The following MEI1 variants were observed in gnomAD, a reference collection of about 807,000 sequenced individuals.
The protein encoded by MEI1 is meiotic double-stranded break formation protein 1.
A neutral mutation model predicts 146.2 loss-of-function variants in MEI1; 103 were observed. That is an observed-to-expected ratio of 0.70 (90% CI 0.60 to 0.83). The LOEUF (loss-of-function observed/expected upper bound fraction) is 0.83. Among genes scored for constraint, MEI1 ranks in the 40% least tolerant of loss-of-function variants. The pLI is 0.00. For synonymous variants in MEI1, 652 were observed against 628.2 expected, an observed-to-expected ratio of 1.04 and a Z score of -0.57; for missense variants, 1,529 against 1,533.0, an observed-to-expected ratio of 1.00 and a Z score of 0.04.
intron 9 of MEI1, among the ~76,000 whole-genome samples, chr22:41,731,071 T>G (rs2071817902): frequency 6.7e-6 from 1 of 150,234 alleles, no homozygotes; most frequent in Non-Finnish European, 1.5e-5. Context: ...TTTTTTTTTT[T>G]GAGATGGAAT....
chr22:41,770,470 A>G (rs1308713558), intron 19 of MEI1, among the ~76,000 whole-genome samples: 1 of 151,996 alleles, frequency 6.6e-6, no homozygotes, highest in Non-Finnish European at 1.5e-5. Context: ...ACTTTACCAA[A>G]TGTCCCATGG....
chr22:41,743,049 C>G, intron 11 of MEI1, 31 bp from the exon 12 acceptor site: 2 of 1,548,200 alleles, frequency 1.3e-6, no homozygotes, highest in African/African-American at 2.7e-5. Context: ...GTTGCCTTAC[C>G]GTGAACCTGC....
intron 5 of MEI1, among the ~76,000 whole-genome samples, chr22:41,717,205 C>T (rs909275210): frequency 3.3e-5 from 5 of 151,970 alleles, no homozygotes; most frequent in Non-Finnish European, 5.9e-5. Flanking sequence ...GAGACAGAAC[C>T]GGGCTACAGC....
intron 17 of MEI1, among the ~76,000 whole-genome samples, chr22:41,755,550 C>G (rs1344169057): frequency 6.6e-6 from 1 of 152,190 alleles, no homozygotes; most frequent in Non-Finnish European, 1.5e-5. Flanking sequence ...ATCACCATCA[C>G]CTCTCATGCT....
intron 3 of MEI1, among the ~76,000 whole-genome samples, chr22:41,708,741 G>C (rs4346490): frequency 0.073 from 11,055 of 152,208 alleles, 1,073 homozygotes; most frequent in African/African-American, 0.23. Flanking sequence ...AAAAATGGAG[G>C]CACTGTTCTT....
At chr22:41,738,191 A>G (rs1454122164) in intron 11 of MEI1, among the ~76,000 whole-genome samples, 1 of 152,176 alleles carries the variant, frequency 6.6e-6, no homozygotes, top group East Asian at 1.9e-4. Context: ...ACAGTGGCTC[A>G]TGCCTGTAAT....
At chr22:41,723,879 A>G (rs1274758284) in intron 6 of MEI1, 64 bp from the exon 7 acceptor site, 4 of 1,537,346 alleles carry the variant, frequency 2.6e-6, no homozygotes, top group East Asian at 2.4e-5. Context: ...CTGAGGGGCT[A>G]TCTTGGGAGT....
chr22:41,781,848 T>G lies in MEI1; in HGVS notation c.3087+3T>G. 2 of 1,613,940 alleles carry G rather than the reference T, an allele frequency of 1.2e-6. No individual in the cohort carries two copies. The highest frequency in any genetic ancestry group is 1.7e-6 in the Non-Finnish European group (2 of 1,179,868). The stretch of plus-strand genomic sequence containing the variant: ...AGCAGCACAAGGGCAGTTTGCAGGT[T>G]AGTCTTTAACTCCTGTGGCTTTGAG... On this transcript the variant is annotated splice_donor_region_variant and intron_variant, in intron 24 of 30. Coordinates refer to ENST00000401548, the MANE Select transcript of MEI1 (RefSeq NM_152513.4).
At chr22:41,783,287 A>G (rs1207654844) in intron 24 of MEI1, among the ~76,000 whole-genome samples, 1 of 151,822 alleles carries the variant, frequency 6.6e-6, no homozygotes, top group African/African-American at 2.4e-5. Context: ...ACATACACAG[A>G]GTTCCCTGTT....
intron 30 of MEI1, among the ~76,000 whole-genome samples, chr22:41,796,445 C>T (rs1300208095): frequency 3.3e-5 from 5 of 151,932 alleles, no homozygotes; most frequent in Non-Finnish European, 4.4e-5. Flanking sequence ...CTGCCCCCCT[C>T]GGCCTCCCAA....
intron 9 of MEI1, among the ~76,000 whole-genome samples, chr22:41,731,702 T>G (rs1164514482): frequency 6.6e-6 from 1 of 152,192 alleles, no homozygotes; most frequent in Admixed American, 6.5e-5. Flanking sequence ...CATTCAGTCA[T>G]TCATTTTATA....
At chr22:41,757,209 C>T (rs2074152042) in intron 17 of MEI1, among the ~76,000 whole-genome samples, 1 of 152,276 alleles carries the variant, frequency 6.6e-6, no homozygotes, top group South Asian at 2.1e-4. Flanking sequence ...ATTCTCCTGC[C>T]TCAGCCTCCC....
chr22:41,747,036 CATAT>C (rs1370692077), intron 14 of MEI1, among the ~76,000 whole-genome samples: 1 of 130,438 alleles, frequency 7.7e-6, no homozygotes, highest in Non-Finnish European at 1.7e-5. Context: ...CTTTAATGAG[CATAT>C]ATTACTTTTA....
intron 11 of MEI1, among the ~76,000 whole-genome samples, chr22:41,740,182 G>C (rs1159647705): frequency 6.6e-6 from 1 of 151,836 alleles, no homozygotes; most frequent in African/African-American, 2.4e-5. Context: ...ACCACGCCTG[G>C]ATACTTCTTG....
At chr22:41,754,691 A>G (rs1404247808) in intron 17 of MEI1, among the ~76,000 whole-genome samples, 5 of 152,096 alleles carry the variant, frequency 3.3e-5, no homozygotes, top group African/African-American at 4.8e-5. Flanking sequence ...CGGCCTCCCA[A>G]AGTGCTGAGA....
intron 30 of MEI1, among the ~76,000 whole-genome samples, chr22:41,796,351 GTTT>G (rs34348723): frequency 1.4e-4 from 19 of 140,120 alleles, no homozygotes; most frequent in South Asian, 2.3e-4. Context: ...CCACGCCCAG[GTTT>G]TTTTTTTTTT....
intron 17 of MEI1, among the ~76,000 whole-genome samples, chr22:41,754,926 G>A (rs1177528395): frequency 1.3e-5 from 2 of 152,190 alleles, no homozygotes; most frequent in African/African-American, 2.4e-5. Context: ...AAGGAGGAGA[G>A]AGACATGTTA....
rs1420546587 is a variant in MEI1 at position 41,793,892 on chromosome 22, G to A, written c.3409G>A (p.Ala1137Thr). ...GGAGGCCTTGCTTGACTACCTGGAT[G>A]CCCGGAGCCCAGACATTGGTAGAAA... ...CLEALLDYLD[A>T]RSPDIALHVA... The change falls in exon 27 of 31, where the codon GCC becomes ACC. Residue 1137 changes from alanine (A) to threonine (T), a missense_variant. This residue lies in a region of MEI1 where 313 missense variants were observed against 337.3 expected (regional missense o/e 0.93). Coordinates refer to ENST00000401548, the MANE Select transcript of MEI1 (RefSeq NM_152513.4). 2.5e-6 allele frequency: 4 copies of A among 1,612,106 alleles called. No individual in the cohort carries two copies. The Admixed American group carries it at 6.7e-5, about 27-fold the overall frequency.
intron 21 of MEI1, among the ~76,000 whole-genome samples, chr22:41,777,158 A>T (rs796697861): frequency 1.5e-3 from 215 of 140,930 alleles, no homozygotes; most frequent in African/African-American, 5.3e-3. Flanking sequence ...TTTAAAAATA[A>T]TTTTTTTTTT....
Sources: allele counts gnomAD v4.1 joint callset (sites outside exome capture counted in the v4.1 genomes callset), GRCh38; gene constraint gnomAD v4.1.1; regional missense constraint gnomAD v4.1.1; transcripts MANE v1.5; gene names NCBI Gene and HGNC (gene_info 2026-07-23, HGNC 2026-07-21).